PKD1L1: variants seen among roughly 807,000 people sequenced by gnomAD.
PKD1L1 encodes polycystin 1 like 1, transient receptor potential channel interacting, also known as polycystin-1-like protein 1.
PKD1L1 carries 236 observed loss-of-function variants against 323.4 expected under a neutral mutation model. The ratio of observed to expected loss-of-function variants is 0.73; its 90% CI spans 0.66 to 0.81. The LOEUF (loss-of-function observed/expected upper bound fraction) is 0.81. PKD1L1 is among the 40% of genes least tolerant of loss of function. PKD1L1 has a pLI of 0.00. For missense variants in PKD1L1, 3,320 were observed against 3,508.0 expected (o/e 0.95, Z 1.35); for synonymous variants, 1,344 against 1,335.0 (o/e 1.01, Z -0.15).
chr7:47,819,751 G>A (rs1055512905), intron 46 of PKD1L1: 2 of 351,552 alleles, frequency 5.7e-6, no homozygotes, highest in Non-Finnish European at 1.1e-5. Flanking sequence ...ACTGACAAAG[G>A]GGACAATATC....
chr7:47,865,568 A>ATATT (rs1554404502), intron 25 of PKD1L1, among the ~76,000 whole-genome samples: 16 of 140,492 alleles, frequency 1.1e-4, no homozygotes, highest in African/African-American at 4.5e-4. Context: ...CAATTTATTT[A>ATATT]TTATTTTATT....
intron 24 of PKD1L1, among the ~76,000 whole-genome samples, chr7:47,867,689 C>G (rs1220450434): frequency 6.6e-6 from 1 of 151,964 alleles, no homozygotes; most frequent in Non-Finnish European, 1.5e-5. Flanking sequence ...TGAAAGGAAA[C>G]CATATTTTTA....
intron 56 of PKD1L1, among the ~76,000 whole-genome samples, chr7:47,784,006 G>T (rs1359190182): frequency 6.6e-6 from 1 of 152,150 alleles, no homozygotes; most frequent in East Asian, 1.9e-4. Flanking sequence ...TAAATTATGT[G>T]TTCACAGTCA....
chr7:47,951,985 T>A (rs187532073), upstream of PKD1L1, among the ~76,000 whole-genome samples: 3 of 152,330 alleles, frequency 2.0e-5, no homozygotes, highest in Admixed American at 2.0e-4. Flanking sequence ...TAGCACATGC[T>A]GACATGTCCC....
At chr7:47,924,988 T>C (rs1787630005) in intron 7 of PKD1L1, among the ~76,000 whole-genome samples, 1 of 152,198 alleles carries the variant, frequency 6.6e-6, no homozygotes, top group African/African-American at 2.4e-5. Context: ...TATGTTTACA[T>C]AGCTGAAAAA....
intron 22 of PKD1L1, among the ~76,000 whole-genome samples, chr7:47,876,926 C>T (rs1480310251): frequency 1.3e-5 from 2 of 152,100 alleles, no homozygotes; most frequent in Non-Finnish European, 2.9e-5. Context: ...ATTACAGGCA[C>T]CTACCACCAC....
rs563223320 is a variant in PKD1L1, at chr7:47,829,492, C to T, written c.6668G>A (p.Arg2223His). Residue 2223 changes from arginine (R) to histidine (H), a missense_variant, in exon 44 of 57, where the codon CGT (arginine) becomes CAT (histidine). Arg to His is a conservative substitution (Grantham distance 29, BLOSUM62 0). Transcript: ENST00000289672. The part of the protein sequence containing the change: ...TRDLDSELAE[R>H]SWTRLPFSSS... ...AGAGAAGGGGAGGCGAGTCCAGGAA[C>T]GTTCTGCCAATTCAGAGTCCAGATC... 33 of 1,614,038 alleles carry T rather than the reference C, an allele frequency of 2.0e-5. No homozygotes were observed. Among genetic ancestry groups the T allele is most frequent in the South Asian group, 1.2e-4 (11 of 91,082 alleles).
the PKD1L1 span, among the ~76,000 whole-genome samples, chr7:47,958,351 CTT>C: frequency 6.6e-6 from 1 of 152,142 alleles, no homozygotes; most frequent in East Asian, 1.9e-4. Flanking sequence ...AAAGTACAGT[CTT>C]TCAATAAACG....
At chr7:47,900,862 G>C (rs1302555264) in intron 13 of PKD1L1, among the ~76,000 whole-genome samples, 1 of 152,020 alleles carries the variant, frequency 6.6e-6, no homozygotes, top group Admixed American at 6.6e-5. Context: ...TAATCAAAAG[G>C]CTGCTTAATA....
intron 2 of PKD1L1, among the ~76,000 whole-genome samples, chr7:47,941,451 C>T (rs1490241585): frequency 6.6e-6 from 1 of 152,242 alleles, no homozygotes; most frequent in Non-Finnish European, 1.5e-5. Context: ...TCCCAGGACA[C>T]TCTCAAGTTT....
intron 7 of PKD1L1, among the ~76,000 whole-genome samples, chr7:47,921,621 G>A (rs1019639211): frequency 1.3e-5 from 2 of 151,944 alleles, no homozygotes; most frequent in Non-Finnish European, 2.9e-5. Context: ...GTAAAACCAT[G>A]GAACCAACCC....
At chr7:47,951,293 G>T (rs997562929), upstream of PKD1L1, among the ~76,000 whole-genome samples, 4 of 152,152 alleles carry the variant, frequency 2.6e-5, no homozygotes, top group African/African-American at 9.7e-5. Context: ...AATGTGCAAG[G>T]ACGGAACCCC....
At chr7:47,830,207 A>G (rs1296093411) in intron 42 of PKD1L1, 83 bp from the exon 43 acceptor site, 1 of 1,202,412 alleles carries the variant, frequency 8.3e-7, no homozygotes, top group Non-Finnish European at 1.2e-6. Context: ...GCACAGGGAC[A>G]CTGCCTGAGA....
the PKD1L1 span, among the ~76,000 whole-genome samples, chr7:47,959,679 C>G: frequency 0.038 from 5,048 of 132,772 alleles, 236 homozygotes; most frequent in Middle Eastern, 0.077. Flanking sequence ...GGCCAGCCGC[C>G]CCGTCCGGGA....
intron 26 of PKD1L1, 66 bp from the exon 27 acceptor site, chr7:47,858,951 G>C (rs1353443087): frequency 1.3e-6 from 2 of 1,573,990 alleles, no homozygotes; most frequent in African/African-American, 2.7e-5. Flanking sequence ...GGGTGTATTT[G>C]AGGATGAGAA....
In PKD1L1 at chr7:47,946,260, A is replaced by C. The variant is rs1788092785; in HGVS notation, c.44+2137T>G. ...GCCATTTGTTTGAATTACATGACAG[A>C]TCTCTTAGAATCCCTTAAGAGTGAG... On this transcript the variant is annotated intron_variant, in intron 1 of 56. Transcript: ENST00000289672. The surrounding 1 kb of genome is among the most constrained non-coding windows in gnomAD (Gnocchi z 4.1). 6.6e-6 allele frequency among the ~76,000 whole-genome samples: 1 copy of C among 152,080 alleles called. No homozygotes were observed. The highest frequency in any genetic ancestry group is 1.5e-5 in the Non-Finnish European group (1 of 68,022).
At chr7:47,878,061 A>G (rs2128745895) in intron 21 of PKD1L1, among the ~76,000 whole-genome samples, 1 of 152,234 alleles carries the variant, frequency 6.6e-6, no homozygotes, top group Middle Eastern at 3.4e-3. Flanking sequence ...CCAGCAGAGC[A>G]AACTTTCTCC....
chr7:47,790,154 G>A (rs777942966), intron 56 of PKD1L1, among the ~76,000 whole-genome samples: 1 of 151,966 alleles, frequency 6.6e-6, no homozygotes, highest in Non-Finnish European at 1.5e-5. Context: ...CTCCCGAAGT[G>A]CTATGATTAC....
At chr7:47,873,289 G>A (rs538910939) in intron 24 of PKD1L1, among the ~76,000 whole-genome samples, 1 of 152,074 alleles carries the variant, frequency 6.6e-6, no homozygotes, top group Non-Finnish European at 1.5e-5. Flanking sequence ...AAACCAAGGA[G>A]TTGCATACTT....
Sources: allele counts gnomAD v4.1 joint callset (sites outside exome capture counted in the v4.1 genomes callset), GRCh38; gene constraint gnomAD v4.1.1; non-coding constraint Gnocchi (gnomAD v3.1); transcripts MANE v1.5; gene names NCBI Gene and HGNC (gene_info 2026-07-23, HGNC 2026-07-21).